RBFOX1: variants seen among roughly 807,000 people sequenced by gnomAD.
RBFOX1 encodes the protein RNA binding protein fox-1 homolog 1.
RBFOX1 carries 8 observed loss-of-function variants against 57.7 expected under a neutral mutation model. The ratio of observed to expected loss-of-function variants is 0.14; its 90% CI spans 0.08 to 0.25. The LOEUF is 0.25. Among genes scored for constraint, RBFOX1 ranks in the 10% least tolerant of loss-of-function variants. RBFOX1 has a pLI of 1.00. For synonymous variants in RBFOX1, 326 were observed against 222.4 expected (o/e 1.47, Z -4.15); for missense variants, 611 against 548.5 (o/e 1.11, Z -1.14).
At chr16:6,321,955 C>T (rs2081855309) in intron 2 of RBFOX1, among the ~76,000 whole-genome samples, 1 of 152,176 alleles carries the variant, frequency 6.6e-6, no homozygotes, top group Non-Finnish European at 1.5e-5. Flanking sequence ...CTTTCTGTCA[C>T]TTAAGGCTCC....
intron 4 of RBFOX1, among the ~76,000 whole-genome samples, chr16:7,249,298 A>C (rs1450330739): frequency 6.6e-6 from 1 of 152,026 alleles, no homozygotes; most frequent in Non-Finnish European, 1.5e-5. Flanking sequence ...CTATTGGATG[A>C]ACCCTGAAAG....
intron 1 of RBFOX1, among the ~76,000 whole-genome samples, chr16:6,175,566 A>C (rs921274050): frequency 1.3e-5 from 2 of 152,180 alleles, no homozygotes; most frequent in Admixed American, 6.5e-5. Context: ...TTTGTTGTGC[A>C]TAGCACCTAG....
chr16:7,394,938 C>T (rs1050650435), intron 4 of RBFOX1, among the ~76,000 whole-genome samples: 23 of 152,108 alleles, frequency 1.5e-4, no homozygotes, highest in Non-Finnish European at 1.3e-4. Flanking sequence ...CTGTTATGCA[C>T]GCATGTGAGA....
chr16:7,165,546 C>T (rs1281000058), intron 4 of RBFOX1, among the ~76,000 whole-genome samples: 1 of 151,978 alleles, frequency 6.6e-6, no homozygotes, highest in African/African-American at 2.4e-5. Flanking sequence ...TCACCTGCCT[C>T]AGCCTCCTGA....
chr16:7,193,220 G>T (rs1011728489), intron 4 of RBFOX1, among the ~76,000 whole-genome samples: 5 of 152,178 alleles, frequency 3.3e-5, no homozygotes, highest in Admixed American at 1.3e-4. Context: ...GAGAGTATCA[G>T]AGCAGCTCTT....
intron 10 of RBFOX1, among the ~76,000 whole-genome samples, chr16:7,611,836 C>G (rs1194081150): frequency 6.6e-6 from 1 of 152,094 alleles, no homozygotes; most frequent in Admixed American, 6.5e-5. Context: ...TCAAGTCATA[C>G]TTATAAAAAT....
At position 7,645,563 on chromosome 16, in the gene RBFOX1, G is replaced by C. The variant is rs112708535; in HGVS notation, c.758-8252G>C. On this transcript the variant is annotated intron_variant, in intron 11 of 15. Transcript: ENST00000550418. Reference sequence around the variant, plus strand: ...TGAATATTAAAGAAACAAATGAGCAGAGATTTATAGGACATTGCGTTTCTG... The same window carrying C: ...TGAATATTAAAGAAACAAATGAGCACAGATTTATAGGACATTGCGTTTCTG... Among the ~76,000 whole-genome samples the C allele has an allele frequency of 6.0e-4, 91 of 152,356 alleles. 2 individuals are homozygous for C. Among genetic ancestry groups the C allele is most frequent in the African/African-American group, 2.1e-3 (87 of 41,580 alleles).
intron 3 of RBFOX1, among the ~76,000 whole-genome samples, chr16:6,878,937 A>G (rs546949555): frequency 1.3e-5 from 2 of 152,208 alleles, no homozygotes; most frequent in African/African-American, 2.4e-5. Flanking sequence ...TTTTTCCCCT[A>G]TGTTAGGGGA....
chr16:5,333,693 T>G (rs534087138), intron 1 of RBFOX1, among the ~76,000 whole-genome samples: 1 of 152,296 alleles, frequency 6.6e-6, no homozygotes, highest in Non-Finnish European at 1.5e-5. Context: ...CATCACAGGG[T>G]GCACTTATAC....
chr16:7,550,389 C>G (rs1452387197), intron 5 of RBFOX1, among the ~76,000 whole-genome samples: 1 of 152,056 alleles, frequency 6.6e-6, no homozygotes, highest in African/African-American at 2.4e-5. Flanking sequence ...TGTGACGATG[C>G]CCAGAGGGGG....
At chr16:6,034,787 C>T (rs1268014701) in intron 1 of RBFOX1, among the ~76,000 whole-genome samples, 1 of 152,064 alleles carries the variant, frequency 6.6e-6, no homozygotes, top group Admixed American at 6.5e-5. Flanking sequence ...TCTTTGTCCT[C>T]ATAACAACCC....
chr16:6,804,274 C>T (rs934031110), intron 3 of RBFOX1, among the ~76,000 whole-genome samples: 1 of 152,022 alleles, frequency 6.6e-6, no homozygotes, highest in Non-Finnish European at 1.5e-5. Flanking sequence ...TCCCAAAGTC[C>T]TGGGATTACA....
At chr16:5,519,187 T>C (rs777952599) in intron 2 of RBFOX1, among the ~76,000 whole-genome samples, 2 of 152,338 alleles carry the variant, frequency 1.3e-5, no homozygotes, top group African/African-American at 4.8e-5. Flanking sequence ...CAGGCTGTGA[T>C]ACTTTGTGGT....
At chr16:7,154,929 G>C (rs764088168) in intron 4 of RBFOX1, among the ~76,000 whole-genome samples, 37 of 152,134 alleles carry the variant, frequency 2.4e-4, no homozygotes, top group Non-Finnish European at 4.0e-4. Flanking sequence ...TAATGAGTGA[G>C]AGAATAGGGA....
At chr16:5,769,082 A>T (rs1340709577) in intron 3 of RBFOX1, among the ~76,000 whole-genome samples, 1 of 152,226 alleles carries the variant, frequency 6.6e-6, no homozygotes, top group Non-Finnish European at 1.5e-5. Context: ...AAAAGAAAAA[A>T]AAAAGAGTCA....
At chr16:7,173,352 C>A (rs1004985214) in intron 4 of RBFOX1, among the ~76,000 whole-genome samples, 1 of 152,172 alleles carries the variant, frequency 6.6e-6, no homozygotes, top group African/African-American at 2.4e-5. Flanking sequence ...AACAGATGTC[C>A]TTCCAAACTC....
chr16:5,708,371 A>G (rs1338668030), intron 3 of RBFOX1, among the ~76,000 whole-genome samples: 2 of 152,218 alleles, frequency 1.3e-5, no homozygotes, highest in Non-Finnish European at 2.9e-5. Context: ...TTCCATATAC[A>G]TAGATTCCTT....
intron 1 of RBFOX1, among the ~76,000 whole-genome samples, chr16:5,434,818 T>C (rs2067867629): frequency 6.6e-6 from 1 of 152,198 alleles, no homozygotes; most frequent in Non-Finnish European, 1.5e-5. Context: ...ATTCTCTTGG[T>C]TACCTGCCTA....
At chr16:5,623,057 G>A (rs537675709) in intron 3 of RBFOX1, among the ~76,000 whole-genome samples, 8 of 152,162 alleles carry the variant, frequency 5.3e-5, no homozygotes, top group African/African-American at 1.7e-4. Flanking sequence ...TTTGGTATAC[G>A]GGGGAGTCTT....
Sources: gnomAD v4.1 joint callset for allele counts (sites outside exome capture counted in the v4.1 genomes callset) on GRCh38, gnomAD v4.1.1 for gene constraint, MANE v1.5 for transcripts, NCBI Gene and HGNC (gene_info 2026-07-23, HGNC 2026-07-21) for gene names.